Variants in UMAD1 observed in about 807,000 individuals in gnomAD.
UMAD1 encodes the protein UBAP1-MVB12-associated (UMA)-domain containing protein 1.
UMAD1 carries 8 observed loss-of-function variants against 6.1 expected under a neutral mutation model. The ratio of observed to expected loss-of-function variants is 1.30; its 90% confidence interval spans 0.76 to 2.35. UMAD1 has a LOEUF of 2.35. UMAD1 is among the 30% of genes most tolerant of loss of function. The probability of loss-of-function intolerance (pLI) is 0.00; values close to 1 mark genes in which losing one functional copy is unlikely to be tolerated. For missense variants in UMAD1, 130 were observed against 78.4 expected, an observed-to-expected ratio of 1.66 and a Z score of -2.49; for synonymous variants, 56 against 31.4, an observed-to-expected ratio of 1.78 and a Z score of -2.61.
At chr7:7,802,870 A>AT (rs1782829986) in intron 3 of UMAD1, among the ~76,000 whole-genome samples, 1 of 152,204 alleles carries the variant, frequency 6.6e-6, no homozygotes, top group Admixed American at 6.5e-5. Flanking sequence ...TTTAAGAGAT[A>AT]TTTTTATTTT....
chr7:7,748,088 C>A, intron 2 of UMAD1, among the ~76,000 whole-genome samples: 1 of 148,280 alleles, frequency 6.7e-6, no homozygotes, highest in East Asian at 2.0e-4. Context: ...AGGGGCCTGC[C>A]ACCACGCCCA....
At chr7:7,683,610 A>G (rs1242458914) in intron 2 of UMAD1, among the ~76,000 whole-genome samples, 4 of 152,034 alleles carry the variant, frequency 2.6e-5, no homozygotes, top group African/African-American at 9.7e-5. Flanking sequence ...TATGAAATGA[A>G]ATTTGTTTTC....
chr7:7,648,791 T>A (rs1785154662), intron 1 of UMAD1, among the ~76,000 whole-genome samples: 1 of 151,520 alleles, frequency 6.6e-6, no homozygotes, highest in Non-Finnish European at 1.5e-5. Flanking sequence ...AGGTGGAGGT[T>A]GCAGTGAGCT....
chr7:7,877,684 T>C lies in UMAD1; in HGVS notation c.*146T>C, dbSNP rs1784450036. 3.4e-6 allele frequency: 2 copies of C among 592,844 alleles called. No homozygotes were observed. Among genetic ancestry groups the C allele is most frequent in the Non-Finnish European group, 6.0e-6 (2 of 331,968 alleles). The allele number at this position is 592,844 out of a possible 1,614,324, so 36.7% of individuals were successfully genotyped here. A position where few individuals can be genotyped will look rare whatever the true frequency, so the allele number is the denominator to read the frequency against. On this transcript the variant is annotated 3_prime_UTR_variant, in exon 4 of 4. Transcript: ENST00000682710. ...AAATAGCATTATGTTCACTACTCTA[T>C]TTTTAAGAAAAAGGTACATTTGTAT...
At chr7:7,700,957 A>G (rs1780446767) in intron 2 of UMAD1, among the ~76,000 whole-genome samples, 1 of 152,058 alleles carries the variant, frequency 6.6e-6, no homozygotes, top group African/African-American at 2.4e-5. Flanking sequence ...GACTGAGGCA[A>G]GAGAATTGCT....
intron 2 of UMAD1, among the ~76,000 whole-genome samples, chr7:7,747,257 C>T (rs1583794788): frequency 6.6e-6 from 1 of 152,152 alleles, no homozygotes; most frequent in South Asian, 2.1e-4. Flanking sequence ...GGCCCCACTA[C>T]AGTTAAGTAT....
At chr7:7,762,105 G>A (rs1001139362) in intron 2 of UMAD1, among the ~76,000 whole-genome samples, 1 of 152,100 alleles carries the variant, frequency 6.6e-6, no homozygotes, top group Non-Finnish European at 1.5e-5. Context: ...TCCTTGTTTC[G>A]GGATGTATTT....
At chr7:7,649,684 TGG>T in intron 1 of UMAD1, among the ~76,000 whole-genome samples, 1 of 131,990 alleles carries the variant, frequency 7.6e-6, no homozygotes, top group Admixed American at 7.5e-5. Context: ...GTATTCTTGT[TGG>T]TGGGGGGGCC....
intron 1 of UMAD1, among the ~76,000 whole-genome samples, chr7:7,671,175 G>T (rs939083865): frequency 6.6e-6 from 1 of 152,174 alleles, no homozygotes; most frequent in Non-Finnish European, 1.5e-5. Flanking sequence ...AAATTTTGTT[G>T]GTTTCTTATC....
intron 3 of UMAD1, among the ~76,000 whole-genome samples, chr7:7,866,631 G>C (rs549506483): frequency 7.2e-5 from 11 of 152,344 alleles, no homozygotes; most frequent in African/African-American, 2.6e-4. Flanking sequence ...GGAGTGGAAA[G>C]CAGTAGGCAC....
At chr7:7,689,497 C>G (rs956702249) in intron 2 of UMAD1, 3 of 152,126 alleles carry the variant, frequency 2.0e-5, no homozygotes, top group East Asian at 1.9e-4. Flanking sequence ...GTTTAAGCCA[C>G]TTTTAGCTAG....
chr7:7,837,051 G>T (rs1293864245), intron 3 of UMAD1, among the ~76,000 whole-genome samples: 3 of 151,822 alleles, frequency 2.0e-5, no homozygotes, highest in Non-Finnish European at 4.4e-5. Flanking sequence ...TAGTGACTCA[G>T]TATAACACCA....
chr7:7,672,230 C>T (rs1779624230), intron 1 of UMAD1, among the ~76,000 whole-genome samples: 1 of 152,178 alleles, frequency 6.6e-6, no homozygotes, highest in Non-Finnish European at 1.5e-5. Flanking sequence ...TTGTAAGGAA[C>T]TGTCCTCAGA....
intron 2 of UMAD1, among the ~76,000 whole-genome samples, chr7:7,730,895 G>T (rs1781236252): frequency 6.6e-6 from 1 of 152,184 alleles, no homozygotes; most frequent in African/African-American, 2.4e-5. Flanking sequence ...TGGCGGGAAT[G>T]GTGGTGGGGC....
At chr7:7,655,319 C>T (rs1785315811) in intron 1 of UMAD1, among the ~76,000 whole-genome samples, 1 of 152,078 alleles carries the variant, frequency 6.6e-6, no homozygotes, top group Non-Finnish European at 1.5e-5. Context: ...ATCCACGTGT[C>T]TCATTTGGAA....
chr7:7,715,442 T>C (rs1780877494), intron 2 of UMAD1, among the ~76,000 whole-genome samples: 1 of 152,194 alleles, frequency 6.6e-6, no homozygotes, highest in Non-Finnish European at 1.5e-5. Flanking sequence ...ATAAGTAACT[T>C]AGGGAAGTGC....
chr7:7,812,266 A>G (rs181128508), intron 3 of UMAD1, among the ~76,000 whole-genome samples: 2 of 152,286 alleles, frequency 1.3e-5, no homozygotes, highest in East Asian at 1.9e-4. Flanking sequence ...GTAAGCCAGT[A>G]ATGTGAGTTT....
intron 2 of UMAD1, among the ~76,000 whole-genome samples, chr7:7,709,372 C>T (rs1255125911): frequency 6.6e-6 from 1 of 152,202 alleles, no homozygotes; most frequent in Non-Finnish European, 1.5e-5. Flanking sequence ...TTTGTCCTCA[C>T]ACCATCTCTT....
At chr7:7,687,367 T>A (rs1193047533) in intron 2 of UMAD1, 2 of 152,226 alleles carry the variant, frequency 1.3e-5, no homozygotes, top group African/African-American at 4.8e-5. Context: ...CTTGTAATTC[T>A]TTTGCTGACC....
Sources: gnomAD v4.1 joint callset for allele counts (sites outside exome capture counted in the v4.1 genomes callset) on GRCh38, gnomAD v4.1.1 for gene constraint, MANE v1.5 for transcripts, NCBI Gene and HGNC (gene_info 2026-07-23, HGNC 2026-07-21) for gene names.